The following TFAP2B variants were observed in gnomAD, a reference collection of about 807,000 sequenced individuals.
The protein encoded by TFAP2B is transcription factor AP-2-beta.
A neutral mutation model predicts 44.3 loss-of-function variants in TFAP2B; 9 were observed. The ratio of observed to expected loss-of-function variants is 0.20; its 90% CI spans 0.12 to 0.35. The LOEUF is 0.35. TFAP2B is among the 10% of genes least tolerant of loss of function. The pLI is 1.00. For missense variants in TFAP2B, 509 were observed against 600.0 expected (o/e 0.85, Z 1.59); for synonymous variants, 270 against 263.8 (o/e 1.02, Z -0.23).
rs1329520965 is a variant in TFAP2B at position 50,827,891 on chromosome 6, C to T, written c.541-728C>T. On this transcript the variant is annotated intron_variant, in intron 2 of 6. Transcript: ENST00000393655. ...TGGCACAGAAGATGAACATTCCTTG[C>T]GATTACCTAGGTGCTGACTGGGAGG... Among the ~76,000 whole-genome samples the T allele has an allele frequency of 3.3e-5, 5 of 152,160 alleles. No homozygotes were observed. In the South Asian group the frequency reaches 8.3e-4, roughly 25 times the overall value.
intron 1 of TFAP2B, chr6:50,822,163 G>A (rs1770370820): frequency 7.7e-7 from 1 of 1,303,820 alleles, no homozygotes; most frequent in Non-Finnish European, 1.0e-6. Flanking sequence ...CATCCATGGT[G>A]AGTTTGGATT....
intron 2 of TFAP2B, among the ~76,000 whole-genome samples, chr6:50,826,445 A>AT (rs1403335837): frequency 2.6e-5 from 4 of 152,078 alleles, no homozygotes; most frequent in South Asian, 2.1e-4. Flanking sequence ...TGCTTCTAAT[A>AT]TTTTTTTAAA....
chr6:50,841,955 C>T (rs1012807239), intron 6 of TFAP2B, among the ~76,000 whole-genome samples: 1 of 152,212 alleles, frequency 6.6e-6, no homozygotes, highest in African/African-American at 2.4e-5. Flanking sequence ...CCCAAAGTGG[C>T]AGCACCCTAG....
intron 3 of TFAP2B, 28 bp from the exon 4 acceptor site, chr6:50,836,033 T>G: frequency 6.3e-7 from 1 of 1,596,750 alleles, no homozygotes; most frequent in African/African-American, 1.3e-5. Context: ...CTTGGTCACC[T>G]TTATGGCAAT....
chr6:50,829,355 T>C (rs1431729208), intron 3 of TFAP2B, among the ~76,000 whole-genome samples: 1 of 152,248 alleles, frequency 6.6e-6, no homozygotes, highest in East Asian at 1.9e-4. Flanking sequence ...AATAATTAAC[T>C]AATTAAACTA....
intron 5 of TFAP2B, among the ~76,000 whole-genome samples, chr6:50,839,306 C>A (rs190659376): frequency 2.0e-5 from 3 of 152,096 alleles, no homozygotes; most frequent in Non-Finnish European, 4.4e-5. Context: ...AAGCACCATG[C>A]CTGAAGTCTT....
chr6:50,829,847 G>C (rs1353299828), intron 3 of TFAP2B, among the ~76,000 whole-genome samples: 1 of 152,134 alleles, frequency 6.6e-6, no homozygotes, highest in Admixed American at 6.5e-5. Context: ...GGTGGGTGGG[G>C]GAAGCTGTAC....
At chr6:50,834,468 G>A (rs1762580198) in intron 3 of TFAP2B, among the ~76,000 whole-genome samples, 1 of 152,158 alleles carries the variant, frequency 6.6e-6, no homozygotes, top group Non-Finnish European at 1.5e-5. Flanking sequence ...ATCCACTCTT[G>A]TAATAAAGCT....
chr6:50,829,550 A>G (rs1770618030), intron 3 of TFAP2B, among the ~76,000 whole-genome samples: 4 of 152,224 alleles, frequency 2.6e-5, no homozygotes, highest in African/African-American at 9.6e-5. Flanking sequence ...TAATTATCAC[A>G]GGAACTGGCA....
chr6:50,824,181 C>A (rs1318781549), intron 2 of TFAP2B, among the ~76,000 whole-genome samples: 1 of 152,194 alleles, frequency 6.6e-6, no homozygotes, highest in Non-Finnish European at 1.5e-5. Flanking sequence ...CCTCAGCTAC[C>A]ATCTCCTGCA....
In TFAP2B at chr6:50,818,987, C is replaced by T; in HGVS notation, c.81+15C>T. The T allele has an allele frequency of 6.2e-7, 1 of 1,609,506 alleles. No individual in the cohort carries two copies. Among genetic ancestry groups the T allele is most frequent in the Non-Finnish European group, 8.5e-7 (1 of 1,175,914 alleles). On this transcript the variant is annotated intron_variant, in intron 1 of 6. Coordinates refer to ENST00000393655, the MANE Select transcript of TFAP2B (RefSeq NM_003221.4). ...ATATCTATGAGGTGAGTCGACACCC[C>T]CAGATGCACCTTAGAGCTTTGCAGA...
intron 3 of TFAP2B, 21 bp from the exon 4 acceptor site, chr6:50,836,040 C>T (rs1298012945): frequency 1.2e-6 from 2 of 1,603,820 alleles, no homozygotes; most frequent in Non-Finnish European, 8.5e-7. Context: ...ACCTTTATGG[C>T]AATTTTTTCT....
chr6:50,846,731 A>G lies in TFAP2B; in HGVS notation c.*3339A>G, dbSNP rs900851847. 1.3e-5 allele frequency: 2 copies of G among 152,242 alleles called. No homozygotes were observed. Among genetic ancestry groups the G allele is most frequent in the Non-Finnish European group, 2.9e-5 (2 of 68,044 alleles). 9.4% of individuals were successfully genotyped at this position (152,242 alleles called of 1,614,324 possible). A position where few individuals can be genotyped will look rare whatever the true frequency, so the allele number is the denominator to read the frequency against. ...ATTCCGTCACCTAAAAAGATCTTTAACTTCTCCCCCAAAGTGGGAAGGTAA... is the reference window on the plus strand; with the variant it reads ...ATTCCGTCACCTAAAAAGATCTTTAGCTTCTCCCCCAAAGTGGGAAGGTAA... On this transcript the variant is annotated 3_prime_UTR_variant, in exon 7 of 7. Transcript: ENST00000393655.
In TFAP2B at chr6:50,818,963, T is replaced by C. The variant is rs1770247249; in HGVS notation, c.72T>C (p.Asp24=). ...TTGTGGAGAATGTCAAGTACGAAGA[T>C]ATCTATGAGGTGAGTCGACACCCCC... ...WKLVENVKYE[D]IYEDRHDGVP... is the part of the protein sequence containing the mutation. Residue 24 remains aspartate (D), a synonymous_variant, in exon 1 of 7, where the codon GAT becomes GAC. Coordinates refer to ENST00000393655, the MANE Select transcript of TFAP2B (RefSeq NM_003221.4). 3 of 1,613,990 alleles carry C rather than the reference T, an allele frequency of 1.9e-6. No individual in the cohort carries two copies. The highest frequency in any genetic ancestry group is 2.2e-5 in the South Asian group (2 of 91,084).
At chr6:50,818,655 A>G, upstream of TFAP2B, 1 of 525,424 alleles carries the variant, frequency 1.9e-6, no homozygotes, top group South Asian at 2.4e-5. Context: ...GGGTGTAAAT[A>G]CGGGTTTATG....
intron 1 of TFAP2B, chr6:50,822,284 C>T: frequency 1.2e-6 from 1 of 866,904 alleles, no homozygotes; most frequent in East Asian, 6.3e-5. Flanking sequence ...CCTTTGAGCG[C>T]CTTTGGCTTG....
At position 50,846,445 on chromosome 6, in the gene TFAP2B, A is replaced by T. The variant is rs1751327425; in HGVS notation, c.*3053A>T. The T allele has an allele frequency of 2.6e-5, 4 of 152,710 alleles. No homozygotes were observed. The highest frequency in any genetic ancestry group is 2.6e-4 in the Admixed American group (4 of 15,280). 9.5% of individuals were successfully genotyped at this position (152,710 alleles called of 1,614,324 possible). A position where few individuals can be genotyped will look rare whatever the true frequency, so the allele number is the denominator to read the frequency against. ...CCCCTTTGAGCTTTGTTTTCAAACC[A>T]AACAGGTGAGTTGCAGCTCTCCCCC... On this transcript the variant is annotated 3_prime_UTR_variant, in exon 7 of 7. Transcript: ENST00000393655.
At position 50,823,548 on chromosome 6, in the gene TFAP2B, C is replaced by A. The variant is rs1770416729; in HGVS notation, c.223C>A (p.Gln75Lys). Residue 75 changes from glutamine (Q) to lysine (K), a missense_variant, in exon 2 of 7, where the codon CAG (glutamine) becomes AAG (lysine). Coordinates refer to ENST00000393655, the MANE Select transcript of TFAP2B (RefSeq NM_003221.4). ...GCCGCCCTACTTCCCACCCCCCTACCAGCCGCTCCCCTACCACCAGAGCCA... is the reference window on the plus strand; with the variant it reads ...GCCGCCCTACTTCCCACCCCCCTACAAGCCGCTCCCCTACCACCAGAGCCA... ...FQPPYFPPPY[Q>K]PLPYHQSQDP... The A allele has an allele frequency of 1.9e-6, 3 of 1,614,078 alleles. No homozygotes were observed. Among genetic ancestry groups the A allele is most frequent in the Non-Finnish European group, 2.5e-6 (3 of 1,180,002 alleles).
intron 2 of TFAP2B, among the ~76,000 whole-genome samples, chr6:50,826,584 C>CGTGT (rs1358664226): frequency 6.9e-6 from 1 of 145,776 alleles, no homozygotes; most frequent in Non-Finnish European, 1.5e-5. Flanking sequence ...CGCGCGCGCG[C>CGTGT]GCGTGTGTGT....
Sources: allele counts gnomAD v4.1 joint callset (sites outside exome capture counted in the v4.1 genomes callset), GRCh38; gene constraint gnomAD v4.1.1; transcripts MANE v1.5; gene names NCBI Gene and HGNC (gene_info 2026-07-23, HGNC 2026-07-21).